Variants in UGT2B17 observed in about 807,000 individuals in gnomAD.
UGT2B17 encodes UDP glucuronosyltransferase family 2 member B17.
In UGT2B17, 21 loss-of-function variants were observed where a neutral mutation model predicts 48.2. That is an observed-to-expected ratio of 0.44 (90% CI 0.31 to 0.63). UGT2B17 has a LOEUF of 0.63. Ranked by LOEUF, UGT2B17 falls within the 20% of genes least tolerant of loss-of-function variation. UGT2B17 has a pLI of 0.08. For missense variants in UGT2B17, 402 were observed against 696.1 expected (o/e 0.58, Z 4.75); for synonymous variants, 146 against 238.4 (o/e 0.61, Z 3.57).
rs1174117654 is a variant in UGT2B17, at chr4:68,566,009, T to A, written c.725-289A>T. ...AATTTAATAGTATTTAATTTTTAAT[T>A]TTTAATATTTAATAAAGTTTAATAT... On this transcript the variant is annotated intron_variant, in intron 2 of 6. Coordinates refer to ENST00000317746, the MANE Select transcript of UGT2B17 (RefSeq NM_001077.4). Among the ~76,000 whole-genome samples the A allele has an allele frequency of 1.9e-4, 23 of 118,640 alleles. 4 individuals are homozygous for A. The highest frequency in any genetic ancestry group is 3.6e-4 in the Non-Finnish European group (21 of 57,730). The allele number at this position is 118,640 out of a possible 152,430, so 77.8% of individuals were successfully genotyped here. A position where few individuals can be genotyped will look rare whatever the true frequency, so the allele number is the denominator to read the frequency against.
intron 4 of UGT2B17, among the ~76,000 whole-genome samples, chr4:68,557,425 A>G (rs1228332331): frequency 8.0e-6 from 1 of 125,258 alleles, no homozygotes; most frequent in Non-Finnish European, 1.7e-5. Flanking sequence ...ATGTTCATGA[A>G]TATCAAGCAG....
intron 1 of UGT2B17, among the ~76,000 whole-genome samples, chr4:68,575,685 C>G (rs1412207182): frequency 1.6e-5 from 2 of 126,072 alleles, no homozygotes; most frequent in Non-Finnish European, 3.4e-5. Flanking sequence ...TCCAGAAATC[C>G]AAGCCAGGTC....
chr4:68,561,693 T>C (rs1278127663), intron 3 of UGT2B17, among the ~76,000 whole-genome samples: 1 of 121,438 alleles, frequency 8.2e-6, no homozygotes, highest in African/African-American at 2.8e-5. Flanking sequence ...TCGAAATGAA[T>C]GAGAATTATT....
chr4:68,556,539 G>A lies in UGT2B17; in HGVS notation c.1005+3998C>T, dbSNP rs1463520770. ...AAGAGATAAAATAAGTTCCGTTTAT[G>A]CATAAATTAATCATTAATGTCAAAG... On this transcript the variant is annotated intron_variant, in intron 4 of 6. Coordinates refer to ENST00000317746, the MANE Select transcript of UGT2B17 (RefSeq NM_001077.4). Among the ~76,000 whole-genome samples the A allele has an allele frequency of 2.4e-5, 3 of 125,612 alleles. 1 individual carries two copies. The highest frequency in any genetic ancestry group is 3.6e-3 in the Middle Eastern group (1 of 274). The allele number at this position is 125,612 out of a possible 152,430, so 82.4% of individuals were successfully genotyped here.
chr4:68,556,886 G>A lies in UGT2B17; in HGVS notation c.1005+3651C>T, dbSNP rs1410990972. 2.4e-5 allele frequency among the ~76,000 whole-genome samples: 3 copies of A among 124,842 alleles called. 1 individual carries two copies. The highest frequency in any genetic ancestry group is 3.4e-5 in the Non-Finnish European group (2 of 58,830). 81.9% of individuals were successfully genotyped at this position (124,842 alleles called of 152,430 possible). Reference sequence around the variant, plus strand: ...TGCTTTATTTTACCTGTGATATCAAGCTTTTTAATCCTTTGATATTTGACA... The same window carrying A: ...TGCTTTATTTTACCTGTGATATCAAACTTTTTAATCCTTTGATATTTGACA... On this transcript the variant is annotated intron_variant, in intron 4 of 6. Coordinates refer to ENST00000317746, the MANE Select transcript of UGT2B17 (RefSeq NM_001077.4).
chr4:68,538,652 A>T (rs1278320838), intron 6 of UGT2B17, among the ~76,000 whole-genome samples: 1 of 126,888 alleles, frequency 7.9e-6, no homozygotes, highest in Non-Finnish European at 1.7e-5. Context: ...ACTAGTAGCC[A>T]GAACATTTTC....
At position 68,561,565 on chromosome 4, in the gene UGT2B17, AG is replaced by A. The variant is rs1731103833; in HGVS notation, c.874-898del. On this transcript the variant is annotated intron_variant, in intron 3 of 6. Transcript: ENST00000317746. The stretch of plus-strand genomic sequence containing the variant: ...TCATCCTCACTTTGCTGTGTCTCAC[AG>A]GGGGCACTTGAACCACAGTGGGAGA... Among the ~76,000 whole-genome samples the A allele has an allele frequency of 1.6e-5, 2 of 123,996 alleles. 1 individual carries two copies. Among genetic ancestry groups the A allele is most frequent in the Non-Finnish European group, 3.4e-5 (2 of 59,050 alleles). The allele number at this position is 123,996 out of a possible 152,430, so 81.3% of individuals were successfully genotyped here. A position where few individuals can be genotyped will look rare whatever the true frequency, so the allele number is the denominator to read the frequency against.
At position 68,574,512 on chromosome 4, in the gene UGT2B17, GA is replaced by G. The variant is rs1731339588; in HGVS notation, c.-65+1438del. 1.6e-5 allele frequency among the ~76,000 whole-genome samples: 2 copies of G among 126,682 alleles called. 1 individual carries two copies. Among genetic ancestry groups the G allele is most frequent in the Non-Finnish European group, 3.3e-5 (2 of 59,722 alleles). 83.1% of individuals were successfully genotyped at this position (126,682 alleles called of 152,430 possible). On this transcript the variant is annotated intron_variant, in intron 1 of 6. Transcript: ENST00000317746. ...TTTTTACTTTCATGTCTAGTTCACA[GA>G]AAAACTGGATAATACTTTTTTAACT...
In UGT2B17 at chr4:68,537,703, C is replaced by A; in HGVS notation, c.1515G>T (p.Met505Ile). 1 of 1,378,630 alleles carries A rather than the reference C, an allele frequency of 7.3e-7. No homozygotes were observed. Among genetic ancestry groups the A allele is most frequent in the Non-Finnish European group, 9.5e-7 (1 of 1,054,610 alleles). 85.4% of individuals were successfully genotyped at this position (1,378,630 alleles called of 1,614,324 possible). ...IAFLLACVAT[M>I]IFMITKCCLF... ...GGCAACATTTTGTGATCATAAATAT[C>A]ATAGTTGCCACGCAGGCCAGCAGGA... The change falls in exon 7 of 7, where the codon ATG (methionine) becomes ATT (isoleucine). Residue 505 changes from methionine to isoleucine, a missense_variant. By Grantham distance (10) the Met-to-Ile change is conservative (BLOSUM62 1). Transcript: ENST00000317746.
rs1333237416 is a variant in UGT2B17, at chr4:68,569,903, G to T, written c.-64-1355C>A. Among the ~76,000 whole-genome samples, 2 of 126,590 alleles carry T rather than the reference G, an allele frequency of 1.6e-5. 1 individual carries two copies. Among genetic ancestry groups the T allele is most frequent in the Non-Finnish European group, 3.4e-5 (2 of 59,604 alleles). 83.0% of individuals were successfully genotyped at this position (126,590 alleles called of 152,430 possible). A position where few individuals can be genotyped will look rare whatever the true frequency, so the allele number is the denominator to read the frequency against. ...TGCTCCGCACTGCCTCGTGTTGTCT[G>T]TTGGCATGCTCTCAGGGATCAAACC... On this transcript the variant is annotated intron_variant, in intron 1 of 6. Coordinates refer to ENST00000317746, the MANE Select transcript of UGT2B17 (RefSeq NM_001077.4).
In UGT2B17 at chr4:68,575,452, T is replaced by A. The variant is rs542918391; in HGVS notation, c.-65+499A>T. Among the ~76,000 whole-genome samples, 2 of 125,174 alleles carry A rather than the reference T, an allele frequency of 1.6e-5. 1 individual carries two copies. The highest frequency in any genetic ancestry group is 3.4e-5 in the Non-Finnish European group (2 of 59,362). The allele number at this position is 125,174 out of a possible 152,430, so 82.1% of individuals were successfully genotyped here. A position where few individuals can be genotyped will look rare whatever the true frequency, so the allele number is the denominator to read the frequency against. On this transcript the variant is annotated intron_variant, in intron 1 of 6. Coordinates refer to ENST00000317746, the MANE Select transcript of UGT2B17 (RefSeq NM_001077.4). ...TCTATTTCACACAAAGTTCTAAGTTTTCCTGGAGTCATAGTGACTCCATAG... is the reference window on the plus strand; with the variant it reads ...TCTATTTCACACAAAGTTCTAAGTTATCCTGGAGTCATAGTGACTCCATAG...
rs147565387 is a variant in UGT2B17 at position 68,551,337 on chromosome 4, A to G, written c.1094-441T>C. Reference sequence around the variant, plus strand: ...CTTAAATTTTTTTTTAAAGGCAGCAAGGAGTAGGGTGGAGGTGGTGCTGAG... The same window carrying G: ...CTTAAATTTTTTTTTAAAGGCAGCAGGGAGTAGGGTGGAGGTGGTGCTGAG... On this transcript the variant is annotated intron_variant, in intron 5 of 6. Coordinates refer to ENST00000317746, the MANE Select transcript of UGT2B17 (RefSeq NM_001077.4). Among the ~76,000 whole-genome samples, 310 of 125,056 alleles carry G rather than the reference A, an allele frequency of 2.5e-3. 49 individuals carry two copies. The highest frequency in any genetic ancestry group is 8.1e-3 in the African/African-American group (299 of 36,860). 82.0% of individuals were successfully genotyped at this position (125,056 alleles called of 152,430 possible).
rs555804900 is a variant in UGT2B17 at position 68,550,953 on chromosome 4, A to C, written c.1094-57T>G. 46 of 1,249,402 alleles carry C rather than the reference A, an allele frequency of 3.7e-5. 12 individuals are homozygous for C. In the South Asian group the frequency reaches 8.8e-4, roughly 24 times the overall value. The allele number at this position is 1,249,402 out of a possible 1,614,324, so 77.4% of individuals were successfully genotyped here. Reference sequence around the variant, plus strand: ...AATTATAAGGCACAGGAATTGAATAAGAAATGCACAATATAAGGAACTTAA... The same window carrying C: ...AATTATAAGGCACAGGAATTGAATACGAAATGCACAATATAAGGAACTTAA... On this transcript the variant is annotated intron_variant, in intron 5 of 6. Coordinates refer to ENST00000317746, the MANE Select transcript of UGT2B17 (RefSeq NM_001077.4).
intron 5 of UGT2B17, 115 bp downstream of exon 5, chr4:68,551,709 A>T: frequency 1.3e-6 from 1 of 741,464 alleles, no homozygotes; most frequent in Non-Finnish European, 1.8e-6. Flanking sequence ...GTTAAATTTG[A>T]TTTTTTTTTA....
rs1002721604 is a variant in UGT2B17, at chr4:68,563,690, A to AT, written c.873+1881dup. On this transcript the variant is annotated intron_variant, in intron 3 of 6. Transcript: ENST00000317746. Reference sequence around the variant, plus strand: ...TCACTTTCTTTTGATGTGAGTGAGGATTTTTTTTTGAGAATAAGATAAGAG... The same window carrying AT: ...TCACTTTCTTTTGATGTGAGTGAGGATTTTTTTTTTGAGAATAAGATAAGAG... Among the ~76,000 whole-genome samples, 78 of 124,628 alleles carry AT rather than the reference A, an allele frequency of 6.3e-4. 14 individuals carry two copies. Among genetic ancestry groups the AT allele is most frequent in the Non-Finnish European group, 1.1e-3 (62 of 58,942 alleles). The allele number at this position is 124,628 out of a possible 152,430, so 81.8% of individuals were successfully genotyped here. A position where few individuals can be genotyped will look rare whatever the true frequency, so the allele number is the denominator to read the frequency against.
In UGT2B17 at chr4:68,537,832, G is replaced by A. The variant is rs754559317; in HGVS notation, c.1386C>T (p.Val462=). ...DQPVKPLDRA[V]FWIEFVMRHK... is the part of the protein sequence containing the mutation. Reference sequence around the variant, plus strand: ...GGCGCATGACAAACTCAATCCAGAAGACTGCTCGATCCAGGGGCTTCACCG... The same window carrying A: ...GGCGCATGACAAACTCAATCCAGAAAACTGCTCGATCCAGGGGCTTCACCG... Residue 462 remains valine (V), a synonymous_variant, in exon 7 of 7, where the codon GTC becomes GTT. Coordinates refer to ENST00000317746, the MANE Select transcript of UGT2B17 (RefSeq NM_001077.4). The A allele has an allele frequency of 2.2e-6, 3 of 1,379,456 alleles. 1 individual carries two copies. The highest frequency in any genetic ancestry group is 1.7e-5 in the South Asian group (1 of 59,978). 85.5% of individuals were successfully genotyped at this position (1,379,456 alleles called of 1,614,324 possible).
chr4:68,540,107 G>A (rs1730627320), intron 6 of UGT2B17, among the ~76,000 whole-genome samples: 3 of 124,148 alleles, frequency 2.4e-5, no homozygotes, highest in Non-Finnish European at 5.1e-5. Context: ...TTTTAAAAAT[G>A]TTTATTTTCT....
intron 4 of UGT2B17, among the ~76,000 whole-genome samples, chr4:68,558,604 A>T (rs539827799): frequency 1.6e-5 from 2 of 125,948 alleles, no homozygotes; most frequent in South Asian, 7.4e-4. Flanking sequence ...TTGTCTTCAC[A>T]GTACATGAGA....
intron 1 of UGT2B17, among the ~76,000 whole-genome samples, chr4:68,575,232 C>CT (rs1166594227): frequency 1.3e-5 from 1 of 77,624 alleles, no homozygotes; most frequent in Non-Finnish European, 2.3e-5. Flanking sequence ...CCTCTGCCAG[C>CT]TGCTTATGCT....
Sources: gnomAD v4.1 joint callset for allele counts (sites outside exome capture counted in the v4.1 genomes callset) on GRCh38, gnomAD v4.1.1 for gene constraint, MANE v1.5 for transcripts, NCBI Gene and HGNC (gene_info 2026-07-23, HGNC 2026-07-21) for gene names.